SLC2A13: variants seen among roughly 807,000 people sequenced by gnomAD.
The protein encoded by SLC2A13 is solute carrier family 2 member 13.
SLC2A13 carries 32 observed loss-of-function variants against 64.4 expected under a neutral mutation model. That is an observed-to-expected ratio of 0.50 (90% CI 0.37 to 0.67). The LOEUF is 0.67. Among genes scored for constraint, SLC2A13 ranks in the 30% least tolerant of loss-of-function variants. The probability of loss-of-function intolerance (pLI) is 0.00; values close to 1 mark genes in which losing one functional copy is unlikely to be tolerated. For missense variants in SLC2A13, 743 were observed against 829.2 expected, an observed-to-expected ratio of 0.90 and a Z score of 1.28; for synonymous variants, 338 against 327.1, an observed-to-expected ratio of 1.03 and a Z score of -0.36.
At chr12:40,096,358 T>G (rs1938942900) in intron 1 of SLC2A13, among the ~76,000 whole-genome samples, 1 of 152,150 alleles carries the variant, frequency 6.6e-6, no homozygotes. Context: ...TTGTATACAG[T>G]CTATTCAGTA....
chr12:39,944,146 A>G (rs923812778), intron 4 of SLC2A13, among the ~76,000 whole-genome samples: 1 of 152,206 alleles, frequency 6.6e-6, no homozygotes, highest in Non-Finnish European at 1.5e-5. Flanking sequence ...ATGTATTTGC[A>G]TGGTTTTGAA....
chr12:39,807,712 G>T (rs1942021443), intron 7 of SLC2A13, among the ~76,000 whole-genome samples: 1 of 151,974 alleles, frequency 6.6e-6, no homozygotes, highest in Admixed American at 6.6e-5. Flanking sequence ...CAGGAATTTT[G>T]TCCATTTCTT....
intron 3 of SLC2A13, among the ~76,000 whole-genome samples, chr12:40,016,422 G>A (rs1947622354): frequency 6.6e-6 from 1 of 152,162 alleles, no homozygotes. Flanking sequence ...CAAAGTGGGT[G>A]TATATAAATA....
chr12:39,784,270 A>G (rs1015939404), intron 7 of SLC2A13, among the ~76,000 whole-genome samples: 9 of 152,208 alleles, frequency 5.9e-5, no homozygotes, highest in African/African-American at 9.7e-5. Context: ...TTGCCAAGTC[A>G]ATCCTAAGCC....
rs542960594 is a variant in SLC2A13, at chr12:39,873,755, T to A, written c.1035-1794A>T. On this transcript the variant is annotated intron_variant, in intron 4 of 9. Transcript: ENST00000280871. ...GGAGAGTAGTATAAAACAGAATAAG[T>A]TGTCTAAATTTTATTTAAAATGAAA... is the stretch of plus-strand genomic sequence containing the variant. Among the ~76,000 whole-genome samples, 4 of 152,276 alleles carry A rather than the reference T, an allele frequency of 2.6e-5. No individual in the cohort carries two copies. In the South Asian group the frequency reaches 8.3e-4, roughly 32 times the overall value.
At chr12:40,067,419 G>A (rs1466849067) in intron 1 of SLC2A13, among the ~76,000 whole-genome samples, 2 of 151,966 alleles carry the variant, frequency 1.3e-5, no homozygotes, top group Non-Finnish European at 2.9e-5. Context: ...TGTTGCTGTT[G>A]TTGATAATAT....
Position 40,085,514 on chromosome 12 carries a change from C to T in SLC2A13, c.556+19739G>A, listed in dbSNP as rs1391644080. 2.6e-5 allele frequency among the ~76,000 whole-genome samples: 4 copies of T among 152,152 alleles called. No individual in the cohort carries two copies. The South Asian group carries it at 6.2e-4, about 24-fold the overall frequency. On this transcript the variant is annotated intron_variant, in intron 1 of 9. Transcript: ENST00000280871. ...CATCCAGCTGGTGTCTGCTGCAAAA[C>T]TGATTGCTTGTTAGTGGGGAGAAAT...
At chr12:39,974,682 A>G (rs1020871285) in intron 3 of SLC2A13, among the ~76,000 whole-genome samples, 3 of 152,234 alleles carry the variant, frequency 2.0e-5, no homozygotes, top group African/African-American at 7.2e-5. Context: ...AAAATATCGT[A>G]TTATGTAGCA....
chr12:39,946,727 C>G (rs1437151597), intron 4 of SLC2A13, among the ~76,000 whole-genome samples: 1 of 152,214 alleles, frequency 6.6e-6, no homozygotes, highest in Non-Finnish European at 1.5e-5. Context: ...GCAACAGCCC[C>G]AAGTCTGTTT....
chr12:39,774,948 A>G (rs577394945), intron 7 of SLC2A13, among the ~76,000 whole-genome samples: 28 of 152,174 alleles, frequency 1.8e-4, no homozygotes, highest in Non-Finnish European at 3.1e-4. Context: ...TACAGTCTCT[A>G]ATTCTGGTAA....
At chr12:39,942,175 T>A (rs1014599971) in intron 4 of SLC2A13, among the ~76,000 whole-genome samples, 1 of 152,230 alleles carries the variant, frequency 6.6e-6, no homozygotes, top group African/African-American at 2.4e-5. Context: ...TTGCTTAGTC[T>A]TGCTTTGGCT....
At chr12:39,801,255 AAAT>A (rs1206991348) in intron 7 of SLC2A13, among the ~76,000 whole-genome samples, 4 of 147,578 alleles carry the variant, frequency 2.7e-5, no homozygotes, top group Non-Finnish European at 6.0e-5. Flanking sequence ...ATTAAAAAAA[AAAT>A]CATTTATTAA....
intron 9 of SLC2A13, among the ~76,000 whole-genome samples, chr12:39,764,249 G>T (rs1271916530): frequency 2.0e-5 from 3 of 152,012 alleles, no homozygotes; most frequent in Admixed American, 2.0e-4. Flanking sequence ...AAGCACTGTG[G>T]AACAAGAAGC....
rs535712515 is a variant in SLC2A13 at position 39,815,849 on chromosome 12, C to A, written c.1445+14254G>T. Among the ~76,000 whole-genome samples the A allele has an allele frequency of 2.6e-5, 4 of 152,276 alleles. No individual in the cohort carries two copies. In the East Asian group the frequency reaches 7.7e-4, roughly 29 times the overall value. ...CAGTACAACATTCTATAAAAGAGAT[C>A]CAATTGTCAAATAAATATAGCCAAA... On this transcript the variant is annotated intron_variant, in intron 7 of 9. Transcript: ENST00000280871.
chr12:40,031,565 T>G (rs999033174), intron 2 of SLC2A13, among the ~76,000 whole-genome samples: 1 of 152,180 alleles, frequency 6.6e-6, no homozygotes, highest in Non-Finnish European at 1.5e-5. Flanking sequence ...ATCTATTTCA[T>G]AAGACTGCTG....
chr12:39,826,158 G>A (rs1942668726), intron 7 of SLC2A13, among the ~76,000 whole-genome samples: 1 of 151,920 alleles, frequency 6.6e-6, no homozygotes, highest in Non-Finnish European at 1.5e-5. Context: ...TTTCAGAAGT[G>A]TTCCATGTTT....
intron 7 of SLC2A13, among the ~76,000 whole-genome samples, chr12:39,792,862 G>T (rs1941452035): frequency 6.6e-6 from 1 of 151,400 alleles, no homozygotes; most frequent in Non-Finnish European, 1.5e-5. Flanking sequence ...TTGTTCTAGG[G>T]TCAACTGTAT....
At chr12:40,095,345 A>G (rs1938904166) in intron 1 of SLC2A13, among the ~76,000 whole-genome samples, 2 of 152,238 alleles carry the variant, frequency 1.3e-5, no homozygotes. Context: ...TAAAAAAACA[A>G]AATGTAAAAA....
At chr12:39,824,684 C>T (rs560456693) in intron 7 of SLC2A13, among the ~76,000 whole-genome samples, 12 of 152,200 alleles carry the variant, frequency 7.9e-5, no homozygotes, top group African/African-American at 2.4e-4. Context: ...GTGAGGTGTT[C>T]CAGTAGGACT....
Sources: allele counts gnomAD v4.1 joint callset (sites outside exome capture counted in the v4.1 genomes callset), GRCh38; gene constraint gnomAD v4.1.1; transcripts MANE v1.5; gene names NCBI Gene and HGNC (gene_info 2026-07-23, HGNC 2026-07-21).